LRRC9: variants seen among roughly 807,000 people sequenced by gnomAD.
The protein encoded by LRRC9 is leucine-rich repeat-containing protein 9.
LRRC9 carries 122 observed loss-of-function variants against 63.2 expected under a neutral mutation model. The observed-to-expected ratio is 1.93, with a 90% confidence interval of 1.67 to 2.24. LRRC9 has a LOEUF of 2.24. Ranked by LOEUF, LRRC9 falls within the 30% of genes most tolerant of loss-of-function variation. LRRC9 has a pLI of 0.00. For missense variants in LRRC9, 1,071 were observed against 627.7 expected (o/e 1.71, Z -7.55); for synonymous variants, 366 against 213.1 (o/e 1.72, Z -6.25).
intron 17 of LRRC9, 50 bp downstream of exon 17, chr14:59,985,274 A>C (rs1461640690): frequency 3.5e-6 from 2 of 574,566 alleles, no homozygotes; most frequent in African/African-American, 3.7e-5. Context: ...TAGAAGCAGA[A>C]GTAGAATGGT....
chr14:59,945,590 G>A (rs1176907846), intron 8 of LRRC9, among the ~76,000 whole-genome samples: 2 of 151,874 alleles, frequency 1.3e-5, no homozygotes, highest in Non-Finnish European at 2.9e-5. Flanking sequence ...GGAATAAAAT[G>A]TAGAATTGAT....
intron 22 of LRRC9, 84 bp downstream of exon 22, chr14:60,006,701 G>A: frequency 1.9e-6 from 1 of 516,134 alleles, no homozygotes; most frequent in Non-Finnish European, 3.4e-6. Context: ...TTATTGCACA[G>A]AATTTGGAAA....
chr14:60,013,513 A>C (rs373723758), intron 23 of LRRC9, among the ~76,000 whole-genome samples: 1 of 152,194 alleles, frequency 6.6e-6, no homozygotes, highest in East Asian at 1.9e-4. Context: ...AATTATGTCT[A>C]CAAAATTCTT....
chr14:59,931,603 T>A lies in LRRC9; in HGVS notation c.409-16T>A. The A allele has an allele frequency of 1.5e-6, 1 of 689,282 alleles. No homozygotes were observed. The highest frequency in any genetic ancestry group is 2.6e-6 in the Non-Finnish European group (1 of 380,540). 42.7% of individuals were successfully genotyped at this position (689,282 alleles called of 1,614,324 possible). A position where few individuals can be genotyped will look rare whatever the true frequency, so the allele number is the denominator to read the frequency against. ...TTAATTATCTGTTCTAAATAATATG[T>A]TGTCTAAATTTTTAGGGTTTGCAAA... On this transcript the variant is annotated splice_polypyrimidine_tract_variant and intron_variant, in intron 4 of 31. Transcript: ENST00000445360.
At chr14:59,920,691 C>G (rs1284722090) in intron 1 of LRRC9, among the ~76,000 whole-genome samples, 2 of 152,178 alleles carry the variant, frequency 1.3e-5, no homozygotes, top group Non-Finnish European at 2.9e-5. Context: ...CCATACAGGA[C>G]TTCTACTGGG....
chr14:60,030,375 GC>G (rs1891896386), intron 28 of LRRC9: 1 of 151,942 alleles, frequency 6.6e-6, no homozygotes. Flanking sequence ...CTATCGTCTT[GC>G]TTCTAAAGGA....
At chr14:60,008,023 G>A in intron 22 of LRRC9, 69 bp from the exon 23 acceptor site, 1 of 489,842 alleles carries the variant, frequency 2.0e-6, no homozygotes. Flanking sequence ...TAAAATTTGA[G>A]GATGGCTAAC....
At chr14:60,014,301 A>T (rs1438925804) in intron 23 of LRRC9, among the ~76,000 whole-genome samples, 1 of 152,086 alleles carries the variant, frequency 6.6e-6, no homozygotes, top group African/African-American at 2.4e-5. Context: ...AATCAAAGAT[A>T]ATTTAGAAAA....
At position 60,042,686 on chromosome 14, in the gene LRRC9, C is replaced by T. The variant is rs1893060641; in HGVS notation, c.3991-10379C>T. On this transcript the variant is annotated intron_variant, in intron 29 of 31. Transcript: ENST00000445360. This position sits in a 1 kb window ranked among gnomAD's most constrained non-coding sequence, Gnocchi z 4.2. ...GGCTAGGAAAGGGAATTTCCCCACCCTTTGCACTTCCCGGGTGAGGCAATG... is the reference window on the plus strand; with the variant it reads ...GGCTAGGAAAGGGAATTTCCCCACCTTTTGCACTTCCCGGGTGAGGCAATG... Among the ~76,000 whole-genome samples the T allele has an allele frequency of 6.6e-6, 1 of 152,202 alleles. No individual in the cohort carries two copies. The highest frequency in any genetic ancestry group is 2.4e-5 in the African/African-American group (1 of 41,456).
At chr14:59,945,382 T>C (rs1343859675) in intron 8 of LRRC9, among the ~76,000 whole-genome samples, 2 of 152,052 alleles carry the variant, frequency 1.3e-5, no homozygotes, top group East Asian at 3.9e-4. Flanking sequence ...CAACAAATGG[T>C]GTTACAAAAA....
At position 59,942,670 on chromosome 14, in the gene LRRC9, G is replaced by A. The variant is rs1275247864; in HGVS notation, c.727-1919G>A. Among the ~76,000 whole-genome samples, 1 of 152,136 alleles carries A rather than the reference G, an allele frequency of 6.6e-6. No homozygotes were observed. The highest frequency in any genetic ancestry group is 1.5e-5 in the Non-Finnish European group (1 of 68,020). On this transcript the variant is annotated intron_variant, in intron 7 of 31. Transcript: ENST00000445360. The surrounding 1 kb of genome is among the most constrained non-coding windows in gnomAD (Gnocchi z 5.3). ...TTGAACCCAGAAGGCAGAAGTTGCG[G>A]TGAGCCGATATCACACCACTGCACT... is the stretch of plus-strand genomic sequence containing the variant.
intron 17 of LRRC9, among the ~76,000 whole-genome samples, chr14:59,992,836 G>A (rs888819123): frequency 3.4e-4 from 51 of 152,236 alleles, no homozygotes; most frequent in Non-Finnish European, 2.6e-4. Context: ...TCTGATTGGT[G>A]TACCCGAAAG....
rs149564529 is a variant in LRRC9 at position 60,040,607 on chromosome 14, C to G, written c.3990+8544C>G. Among the ~76,000 whole-genome samples, 515 of 151,782 alleles carry G rather than the reference C, an allele frequency of 3.4e-3. 17 individuals carry two copies. In the East Asian group the frequency reaches 0.058, roughly 17 times the overall value. ...CCCTGCATTTTTTTGTTTTCCATTT[C>G]CTTGGTAGATCTTCCTCCATCCCTT... On this transcript the variant is annotated intron_variant, in intron 29 of 31. Coordinates refer to ENST00000445360, the Ensembl canonical transcript of LRRC9.
chr14:60,054,204 T>C (rs1271252811), intron 30 of LRRC9, among the ~76,000 whole-genome samples: 2 of 152,230 alleles, frequency 1.3e-5, no homozygotes, highest in Admixed American at 6.5e-5. Context: ...TTGATACTTG[T>C]AGGCTCCTCT....
At chr14:60,054,146 A>C (rs1318181484) in intron 30 of LRRC9, 1 of 238,794 alleles carries the variant, frequency 4.2e-6, no homozygotes, top group African/African-American at 2.3e-5. Context: ...CACTGAACTC[A>C]CCAGATTAAT....
intron 16 of LRRC9, 26 bp from the exon 17 acceptor site, chr14:59,985,079 T>C (rs1412566682): frequency 3.2e-6 from 2 of 626,528 alleles, no homozygotes; most frequent in Non-Finnish European, 5.8e-6. Context: ...GTATTATTTT[T>C]TAATGTATAT....
rs1289014716 is a variant in LRRC9, at chr14:60,042,524, T to TCCGTGGGCATGGGATCCTCCAAG, written c.3990+10464_3990+10486dup. ...CTGCTGTGCTGGCAGTGAGTGAGGC[T>TCCGTGGGCATGGGATCCTCCAAG]CCGTGGGCATGGGATCCTCCAAGCC... On this transcript the variant is annotated intron_variant, in intron 29 of 31. Coordinates refer to ENST00000445360, the Ensembl canonical transcript of LRRC9. This position sits in a 1 kb window ranked among gnomAD's most constrained non-coding sequence, Gnocchi z 4.2. Among the ~76,000 whole-genome samples the TCCGTGGGCATGGGATCCTCCAAG allele has an allele frequency of 3.9e-5, 6 of 152,196 alleles. No individual in the cohort carries two copies. The highest frequency in any genetic ancestry group is 7.3e-5 in the Non-Finnish European group (5 of 68,032).
chr14:59,971,175 T>C (rs1885450785), intron 12 of LRRC9, among the ~76,000 whole-genome samples: 2 of 152,196 alleles, frequency 1.3e-5, no homozygotes, highest in African/African-American at 2.4e-5. Context: ...GCACCATTTA[T>C]TGAATAGGGG....
At chr14:59,945,475 T>A (rs913673536) in intron 8 of LRRC9, among the ~76,000 whole-genome samples, 1 of 151,816 alleles carries the variant, frequency 6.6e-6, no homozygotes, top group Non-Finnish European at 1.5e-5. Context: ...AAAAAAAGAA[T>A]TAAATGTAAA....
Sources: gnomAD v4.1 joint callset for allele counts (sites outside exome capture counted in the v4.1 genomes callset) on GRCh38, gnomAD v4.1.1 for gene constraint, Gnocchi (gnomAD v3.1) non-coding constraint, MANE v1.5 for transcripts, NCBI Gene and HGNC (gene_info 2026-07-23, HGNC 2026-07-21) for gene names.